Variants in PAPOLA observed in about 807,000 individuals in gnomAD.
The protein encoded by PAPOLA is polynucleotide adenylyltransferase alpha.
Under a neutral mutation model 100.6 loss-of-function variants are expected in PAPOLA, and 15 were observed. The ratio of observed to expected loss-of-function variants is 0.15; its 90% CI spans 0.10 to 0.23. The LOEUF (loss-of-function observed/expected upper bound fraction) is 0.23. Among genes scored for constraint, PAPOLA ranks in the 10% least tolerant of loss-of-function variants. The pLI is 1.00. For missense variants in PAPOLA, 533 were observed against 884.2 expected (o/e 0.60, Z 5.04); for synonymous variants, 293 against 300.0 (o/e 0.98, Z 0.24).
At chr14:96,534,623 C>G in intron 10 of PAPOLA, 60 bp downstream of exon 10, 1 of 1,612,190 alleles carries the variant, frequency 6.2e-7, no homozygotes, top group Non-Finnish European at 8.5e-7. Flanking sequence ...TAAAAATCAT[C>G]TGCATAAACT....
rs145433712 is a variant in PAPOLA, at chr14:96,511,898, A to G, written c.9-8157A>G. On this transcript the variant is annotated intron_variant, in intron 1 of 21. Transcript: ENST00000216277. ...CTTTGGATTTACTATTTCTAGCCACAGAGTATTGCACTAAAAAGCTATTTT... is the reference window on the plus strand; with the variant it reads ...CTTTGGATTTACTATTTCTAGCCACGGAGTATTGCACTAAAAAGCTATTTT... 6.6e-3 allele frequency among the ~76,000 whole-genome samples: 1,009 copies of G among 152,358 alleles called. 13 individuals are homozygous for G. The highest frequency in any genetic ancestry group is 0.023 in the African/African-American group (965 of 41,564).
chr14:96,566,031 T>TAAAA lies in PAPOLA; in HGVS notation c.*982_*985dup. The TAAAA allele has an allele frequency of 2.5e-6, 1 of 396,856 alleles. No homozygotes were observed. Among genetic ancestry groups the TAAAA allele is most frequent in the Non-Finnish European group, 4.4e-6 (1 of 224,796 alleles). 24.6% of individuals were successfully genotyped at this position (396,856 alleles called of 1,614,324 possible). The stretch of plus-strand genomic sequence containing the variant: ...CCCATGGCTGAAACTTGAGGGTGAC[T>TAAAA]AAAAGTAATGCCTGTGAAACATGAT... On this transcript the variant is annotated 3_prime_UTR_variant, in exon 22 of 22. Transcript: ENST00000216277.
intron 10 of PAPOLA, chr14:96,535,075 A>C: frequency 2.0e-6 from 2 of 982,904 alleles, no homozygotes; most frequent in Non-Finnish European, 2.4e-6. Flanking sequence ...GGGCTAAAGA[A>C]GACCTTCCAT....
At position 96,521,500 on chromosome 14, in the gene PAPOLA, A is replaced by AT. The variant is rs1044501723; in HGVS notation, c.249+436dup. On this transcript the variant is annotated intron_variant, in intron 3 of 21. Transcript: ENST00000216277. ...TTATTTATTTATTTATTTTTTATTT[A>AT]TTTTTTTTGAGACAGGGTCTCGCTC... Among the ~76,000 whole-genome samples the AT allele has an allele frequency of 6.6e-5, 10 of 151,690 alleles. No homozygotes were observed. The South Asian group carries it at 1.7e-3, about 25-fold the overall frequency.
At chr14:96,540,329 T>G (rs990472277) in intron 12 of PAPOLA, among the ~76,000 whole-genome samples, 13 of 152,170 alleles carry the variant, frequency 8.5e-5, no homozygotes, top group Non-Finnish European at 1.5e-4. Flanking sequence ...TGTTTTTGTG[T>G]ACATGCCTGA....
chr14:96,511,036 GTTAC>G (rs1897079021), intron 1 of PAPOLA, among the ~76,000 whole-genome samples: 1 of 152,190 alleles, frequency 6.6e-6, no homozygotes, highest in Non-Finnish European at 1.5e-5. Context: ...GTGATGAATT[GTTAC>G]TTTAAATAAG....
rs1902253083 is a variant in PAPOLA, at chr14:96,566,143, T to C, written c.*1093T>C. The C allele has an allele frequency of 5.2e-6, 2 of 386,370 alleles. No individual in the cohort carries two copies. The highest frequency in any genetic ancestry group is 9.2e-6 in the Non-Finnish European group (2 of 218,108). 23.9% of individuals were successfully genotyped at this position (386,370 alleles called of 1,614,324 possible). ...TCTATAGTAAAATTGATTTTCAGTT[T>C]TAAATGTGGGCAAAAAGGCATTTTC... On this transcript the variant is annotated 3_prime_UTR_variant, in exon 22 of 22. Transcript: ENST00000216277.
chr14:96,507,289 T>C (rs1265395680), intron 1 of PAPOLA, among the ~76,000 whole-genome samples: 1 of 121,198 alleles, frequency 8.3e-6, no homozygotes, highest in Non-Finnish European at 1.8e-5. Flanking sequence ...AGTTTTTTTT[T>C]TTTTTTTTTT....
At chr14:96,563,069 G>A (rs1901995273) in intron 21 of PAPOLA, among the ~76,000 whole-genome samples, 176 bp downstream of exon 21, 1 of 152,010 alleles carries the variant, frequency 6.6e-6, no homozygotes, top group South Asian at 2.1e-4. Context: ...GGATTTGACG[G>A]AACCGTTCTC....
intron 1 of PAPOLA, among the ~76,000 whole-genome samples, chr14:96,519,323 C>T (rs1267317731): frequency 6.6e-6 from 1 of 151,984 alleles, no homozygotes; most frequent in African/African-American, 2.4e-5. Context: ...GTATGTTATT[C>T]AACTGTTAGT....
intron 3 of PAPOLA, among the ~76,000 whole-genome samples, chr14:96,523,151 G>A (rs1196797871): frequency 6.6e-6 from 1 of 150,786 alleles, no homozygotes; most frequent in Non-Finnish European, 1.5e-5. Context: ...TTTTTGGTTT[G>A]TTTGACATCT....
intron 3 of PAPOLA, among the ~76,000 whole-genome samples, chr14:96,524,860 T>C (rs1898331393): frequency 6.6e-6 from 1 of 152,158 alleles, no homozygotes. Context: ...ATAAAAAAAA[T>C]ACTCTAATAT....
chr14:96,536,910 A>T, intron 11 of PAPOLA, 66 bp from the exon 12 acceptor site: 1 of 902,170 alleles, frequency 1.1e-6, no homozygotes, highest in Non-Finnish European at 1.8e-6. Context: ...TAGTATGATT[A>T]AGATTATTTA....
At chr14:96,528,123 CAATT>C (rs1344981636) in intron 6 of PAPOLA, 117 bp downstream of exon 6, 24 of 659,168 alleles carry the variant, frequency 3.6e-5, no homozygotes, top group Admixed American at 2.0e-4. Context: ...ATATTAATAA[CAATT>C]AAGGCTTTTA....
chr14:96,555,911 T>G lies in PAPOLA; in HGVS notation c.1729T>G (p.Ser577Ala). 1 of 1,611,536 alleles carries G rather than the reference T, an allele frequency of 6.2e-7. No homozygotes were observed. The highest frequency in any genetic ancestry group is 1.3e-5 in the African/African-American group (1 of 74,954). The change falls in exon 18 of 22, where the codon TCT becomes GCT. Residue 577 changes from serine to alanine, a missense_variant. Physicochemically the swap from Ser to Ala is moderately conservative, Grantham distance 99 (BLOSUM62 1). Around this residue, in one of 9 missense-constraint regions of PAPOLA, gnomAD observed 242 missense variants for 281.0 expected, o/e 0.86. Coordinates refer to ENST00000216277, the MANE Select transcript of PAPOLA (RefSeq NM_032632.5). Reference sequence around the variant, plus strand: ...GACCAACATACAGGCTACTGAAGTTTCTGTGCCACAAGTAAATTCCAGTGA... The same window carrying G: ...GACCAACATACAGGCTACTGAAGTTGCTGTGCCACAAGTAAATTCCAGTGA... Reference protein sequence around the residue: ...SVTNIQATEVSVPQVNSSESS... With the variant: ...SVTNIQATEVAVPQVNSSESS...
chr14:96,514,345 T>C (rs1377046681), intron 1 of PAPOLA, among the ~76,000 whole-genome samples: 1 of 151,700 alleles, frequency 6.6e-6, no homozygotes, highest in African/African-American at 2.4e-5. Context: ...GGCTAATTTT[T>C]TTTTTTTTGT....
At chr14:96,517,826 A>G (rs775027377) in intron 1 of PAPOLA, among the ~76,000 whole-genome samples, 1 of 150,712 alleles carries the variant, frequency 6.6e-6, no homozygotes, top group Admixed American at 6.7e-5. Flanking sequence ...GCCTCAGCCT[A>G]CTGAGTAGCT....
intron 1 of PAPOLA, among the ~76,000 whole-genome samples, chr14:96,503,956 C>T (rs1896529775): frequency 6.6e-6 from 1 of 152,144 alleles, no homozygotes; most frequent in Non-Finnish European, 1.5e-5. Context: ...TATCACATTA[C>T]TTCTGTGATG....
chr14:96,544,044 C>A, intron 14 of PAPOLA, 105 bp from the exon 15 acceptor site: 1 of 680,268 alleles, frequency 1.5e-6, no homozygotes, highest in Non-Finnish European at 2.6e-6. Flanking sequence ...TTAGTTTGCT[C>A]ATACATTTGT....
Sources: allele counts gnomAD v4.1 joint callset (sites outside exome capture counted in the v4.1 genomes callset), GRCh38; gene constraint gnomAD v4.1.1; regional missense constraint gnomAD v4.1.1; transcripts MANE v1.5; gene names NCBI Gene and HGNC (gene_info 2026-07-23, HGNC 2026-07-21).